Variants in PI4K2B observed in about 807,000 individuals in gnomAD.
PI4K2B encodes phosphatidylinositol 4-kinase type 2 beta.
PI4K2B carries 46 observed loss-of-function variants against 56.6 expected under a neutral mutation model. That is an observed-to-expected ratio of 0.81 (90% CI 0.64 to 1.04). The LOEUF is 1.04. Among genes scored for constraint, PI4K2B ranks in the 50% least tolerant of loss-of-function variants. PI4K2B has a pLI of 0.00. For missense variants in PI4K2B, 556 were observed against 607.7 expected, an observed-to-expected ratio of 0.91 and a Z score of 0.89; for synonymous variants, 211 against 223.8, an observed-to-expected ratio of 0.94 and a Z score of 0.51.
chr4:25,249,146 C>T (rs1187095484), intron 1 of PI4K2B, among the ~76,000 whole-genome samples: 2 of 152,188 alleles, frequency 1.3e-5, no homozygotes, highest in Non-Finnish European at 2.9e-5. Context: ...TATAGATTAA[C>T]AGCATCCCAA....
chr4:25,245,162 G>GA (rs1560368297), intron 1 of PI4K2B, among the ~76,000 whole-genome samples: 1 of 152,172 alleles, frequency 6.6e-6, no homozygotes, highest in African/African-American at 2.4e-5. Context: ...TCCCCACTAC[G>GA]ATGGGGCTTC....
At chr4:25,235,387 T>C (rs113723961) in intron 1 of PI4K2B, among the ~76,000 whole-genome samples, 10 of 152,306 alleles carry the variant, frequency 6.6e-5, no homozygotes, top group African/African-American at 2.4e-4. Context: ...TTTTTGGAAT[T>C]GTTAGATTTT....
chr4:25,247,926 C>T (rs1715863868), intron 1 of PI4K2B, among the ~76,000 whole-genome samples: 1 of 152,186 alleles, frequency 6.6e-6, no homozygotes, highest in Non-Finnish European at 1.5e-5. Context: ...TGGTCTTGAA[C>T]TCCTGGACAC....
intron 1 of PI4K2B, among the ~76,000 whole-genome samples, chr4:25,238,586 T>A (rs1023618387): frequency 6.6e-6 from 1 of 152,138 alleles, no homozygotes; most frequent in Non-Finnish European, 1.5e-5. Context: ...TCTGGTGGGT[T>A]CGTGGTCTCG....
intron 4 of PI4K2B, among the ~76,000 whole-genome samples, chr4:25,258,156 AT>A (rs1278935478): frequency 6.7e-6 from 1 of 148,626 alleles, no homozygotes; most frequent in East Asian, 2.0e-4. Flanking sequence ...TGATTAATAG[AT>A]TTGTTCTTTA....
intron 9 of PI4K2B, among the ~76,000 whole-genome samples, chr4:25,271,545 T>A (rs1277922813): frequency 6.6e-6 from 1 of 152,206 alleles, no homozygotes; most frequent in Non-Finnish European, 1.5e-5. Context: ...TTTCTGGTAA[T>A]TGAGGCATCA....
At chr4:25,237,256 A>C (rs1452318618) in intron 1 of PI4K2B, among the ~76,000 whole-genome samples, 1 of 152,252 alleles carries the variant, frequency 6.6e-6, no homozygotes, top group Non-Finnish European at 1.5e-5. Flanking sequence ...TAATGCCTAC[A>C]TAGCAGTTAA....
In PI4K2B at chr4:25,268,447, A is replaced by G; in HGVS notation, c.1083A>G (p.Pro361=). The G allele has an allele frequency of 6.2e-7, 1 of 1,604,760 alleles. No homozygotes were observed. Among genetic ancestry groups the G allele is most frequent in the Non-Finnish European group, 8.5e-7 (1 of 1,176,248 alleles). The part of the protein sequence containing the change: ...FKHPDEWRAY[P]FHWAWLPQAK... ...GAGAATGCTTTTTTCTATTAGATCC[A>G]TTTCACTGGGCTTGGCTTCCTCAAG... Residue 361 remains proline (P), a synonymous_variant, in exon 8 of 10, where the codon CCA becomes CCG. Coordinates refer to ENST00000264864, the MANE Select transcript of PI4K2B (RefSeq NM_018323.4).
chr4:25,254,968 G>C (rs917289391), intron 2 of PI4K2B, 97 bp from the exon 3 acceptor site: 2 of 757,086 alleles, frequency 2.6e-6, no homozygotes, highest in African/African-American at 3.5e-5. Flanking sequence ...TACATCTGTG[G>C]TAGGAAGCAG....
chr4:25,246,978 G>A (rs1715814425), intron 1 of PI4K2B, among the ~76,000 whole-genome samples: 1 of 152,238 alleles, frequency 6.6e-6, no homozygotes, highest in South Asian at 2.1e-4. Context: ...TGCAGCTCCA[G>A]TTCCCACCCG....
chr4:25,279,202 C>CTTTTTTTTTT (rs11346220), exon 10 of PI4K2B: 1 of 97,982 alleles, frequency 1.0e-5, no homozygotes, highest in Non-Finnish European at 1.8e-5. Context: ...TAGTTTAATT[C>CTTTTTTTTTT]TTTTTTTTTT....
At chr4:25,274,594 A>G (rs1397566132) in intron 9 of PI4K2B, among the ~76,000 whole-genome samples, 5 of 152,096 alleles carry the variant, frequency 3.3e-5, no homozygotes, top group Non-Finnish European at 5.9e-5. Context: ...AAGGGCTTAC[A>G]TGGCTTTTCC....
chr4:25,260,868 GATT>G lies in PI4K2B; in HGVS notation c.978+278_978+280del, dbSNP rs1265818313. Among the ~76,000 whole-genome samples the G allele has an allele frequency of 3.9e-4, 34 of 87,282 alleles. 1 individual carries two copies. Among genetic ancestry groups the G allele is most frequent in the Middle Eastern group, 5.8e-3 (1 of 172 alleles). The allele number at this position is 87,282 out of a possible 152,430, so 57.3% of individuals were successfully genotyped here. On this transcript the variant is annotated intron_variant, in intron 6 of 9. Transcript: ENST00000264864. Reference sequence around the variant, plus strand: ...GTTTACGTTGCATTTCTTGATTCTTGATTTTTTTTTTTTTTTTTTTTTAGGGGT... The same window carrying G: ...GTTTACGTTGCATTTCTTGATTCTTGTTTTTTTTTTTTTTTTTTTAGGGGT...
In PI4K2B at chr4:25,277,444, G is replaced by T. The variant is rs1177712994; in HGVS notation, c.*257G>T. 2 of 271,420 alleles carry T rather than the reference G, an allele frequency of 7.4e-6. No homozygotes were observed. The highest frequency in any genetic ancestry group is 2.2e-5 in the African/African-American group (1 of 45,636). The allele number at this position is 271,420 out of a possible 1,614,324, so 16.8% of individuals were successfully genotyped here. A position where few individuals can be genotyped will look rare whatever the true frequency, so the allele number is the denominator to read the frequency against. ...ATTTTATGTTGTTGTTAGTTTAAAA[G>T]GTAATTTTACACATGCTGGAATGAC... is the stretch of plus-strand genomic sequence containing the variant. On this transcript the variant is annotated 3_prime_UTR_variant, in exon 10 of 10. Coordinates refer to ENST00000264864, the MANE Select transcript of PI4K2B (RefSeq NM_018323.4).
At chr4:25,262,623 C>T (rs933730920) in intron 6 of PI4K2B, among the ~76,000 whole-genome samples, 1 of 151,982 alleles carries the variant, frequency 6.6e-6, no homozygotes, top group Non-Finnish European at 1.5e-5. Flanking sequence ...ATCAGAATAC[C>T]CTTTTTTTTT....
chr4:25,252,284 T>G, intron 1 of PI4K2B, 37 bp from the exon 2 acceptor site: 1 of 1,534,010 alleles, frequency 6.5e-7, no homozygotes, highest in Non-Finnish European at 9.0e-7. Context: ...GTCCATATCA[T>G]GAGCATTCTC....
chr4:25,272,863 T>TAA (rs889068556), intron 9 of PI4K2B, among the ~76,000 whole-genome samples: 5 of 139,686 alleles, frequency 3.6e-5, no homozygotes, highest in South Asian at 2.3e-4. Context: ...ACCTTGTCTC[T>TAA]AAAAAAAAAA....
In PI4K2B at chr4:25,234,246, C is replaced by T. The variant is rs746431870; in HGVS notation, c.83C>T (p.Pro28Leu). The T allele has an allele frequency of 5.2e-5, 74 of 1,427,636 alleles. No homozygotes were observed. Among genetic ancestry groups the T allele is most frequent in the Non-Finnish European group, 6.1e-5 (66 of 1,089,492 alleles). The allele number at this position is 1,427,636 out of a possible 1,614,324, so 88.4% of individuals were successfully genotyped here. A position where few individuals can be genotyped will look rare whatever the true frequency, so the allele number is the denominator to read the frequency against. The change falls in exon 1 of 10, where the codon CCG (proline) becomes CTG (leucine). Residue 28 changes from proline to leucine, a missense_variant. Physicochemically the swap from Pro to Leu is moderately conservative, Grantham distance 98. Transcript: ENST00000264864. Reference sequence around the variant, plus strand: ...GAGGAGGAGGATGGGGAGCGGGAGCCGCTGCTACCGCGGATCGCCTGGGCC... The same window carrying T: ...GAGGAGGAGGATGGGGAGCGGGAGCTGCTGCTACCGCGGATCGCCTGGGCC... Reference protein sequence around the residue: ...PEEEEDGEREPLLPRIAWAHP... With the variant: ...PEEEEDGERELLLPRIAWAHP...
intron 8 of PI4K2B, 133 bp from the exon 9 acceptor site, chr4:25,269,011 T>A: frequency 1.9e-6 from 1 of 538,362 alleles, no homozygotes. Flanking sequence ...GTAAAAATAC[T>A]ATTTTTGTTT....
Sources: gnomAD v4.1 joint callset for allele counts (sites outside exome capture counted in the v4.1 genomes callset) on GRCh38, gnomAD v4.1.1 for gene constraint, MANE v1.5 for transcripts, NCBI Gene and HGNC (gene_info 2026-07-23, HGNC 2026-07-21) for gene names.